The following CPA3 variants were observed in gnomAD, a reference collection of about 807,000 sequenced individuals.
CPA3 encodes carboxypeptidase A3.
CPA3 carries 52 observed loss-of-function variants against 55.8 expected under a neutral mutation model. The ratio of observed to expected loss-of-function variants is 0.93; its 90% CI spans 0.75 to 1.17. CPA3 has a LOEUF of 1.17. Ranked by LOEUF, CPA3 falls within the 50% of genes most tolerant of loss-of-function variation. The pLI, the probability that CPA3 is intolerant of heterozygous loss-of-function variation, is 0.00. For synonymous variants in CPA3, 179 were observed against 171.2 expected (o/e 1.05, Z -0.36); for missense variants, 547 against 509.1 (o/e 1.07, Z -0.72).
chr3:148,890,728 G>T (rs1409813092), intron 10 of CPA3, among the ~76,000 whole-genome samples: 2 of 152,224 alleles, frequency 1.3e-5, no homozygotes, highest in East Asian at 3.9e-4. Context: ...CAATTTTTCA[G>T]AAAACACTGT....
intron 8 of CPA3, 119 bp downstream of exon 8, chr3:148,882,714 T>C: frequency 1.3e-6 from 1 of 745,434 alleles, no homozygotes. Context: ...TGTTAACTTT[T>C]GTATCTATAA....
chr3:148,873,389 A>G (rs1459024872), intron 3 of CPA3, among the ~76,000 whole-genome samples: 1 of 151,892 alleles, frequency 6.6e-6, no homozygotes, highest in African/African-American at 2.4e-5. Context: ...ACACACACAC[A>G]CACACACACA....
chr3:148,876,311 T>A (rs1406222404), intron 3 of CPA3, among the ~76,000 whole-genome samples: 1 of 151,832 alleles, frequency 6.6e-6, no homozygotes, highest in African/African-American at 2.4e-5. Flanking sequence ...TATTTATTTA[T>A]AATTTAATGT....
intron 8 of CPA3, 33 bp downstream of exon 8, chr3:148,882,628 C>T (rs1559969208): frequency 2.6e-6 from 4 of 1,565,406 alleles, no homozygotes; most frequent in Admixed American, 3.4e-5. Flanking sequence ...AGGAAAATTG[C>T]TATAAGGAAT....
rs150822877 is a variant in CPA3, at chr3:148,882,589, T to A, written c.772T>A (p.Trp258Arg). 6.2e-7 allele frequency: 1 copy of A among 1,613,332 alleles called. No homozygotes were observed. The highest frequency in any genetic ancestry group is 1.1e-5 in the South Asian group (1 of 91,018). Residue 258 changes from tryptophan (W) to arginine (R), a missense_variant, in exon 8 of 11, where the codon TGG (tryptophan) becomes AGG (arginine). Physicochemically the swap from Trp to Arg is moderately radical, Grantham distance 101. Transcript: ENST00000296046. ...TDLNRNFNAS[W>R]NSIPNTNDPC... ...CCTCAACAGGAATTTTAATGCTTCA[T>A]GGAACTGTGAGTAGCAGACTTGCTA...
At chr3:148,891,719 T>C (rs1320578264) in intron 10 of CPA3, among the ~76,000 whole-genome samples, 1 of 152,162 alleles carries the variant, frequency 6.6e-6, no homozygotes, top group African/African-American at 2.4e-5. Context: ...AATGACAAAC[T>C]CCACATAAAG....
At chr3:148,882,925 T>C (rs964268110) in intron 8 of CPA3, among the ~76,000 whole-genome samples, 9 of 152,258 alleles carry the variant, frequency 5.9e-5, no homozygotes, top group East Asian at 1.9e-4. Flanking sequence ...GAAATGTCAG[T>C]GGCTAAAAGC....
chr3:148,894,098 G>A (rs1387762652), intron 10 of CPA3, among the ~76,000 whole-genome samples: 1 of 152,134 alleles, frequency 6.6e-6, no homozygotes, highest in East Asian at 1.9e-4. Context: ...AATGGATTCA[G>A]TATAAATAAA....
chr3:148,865,583 C>T lies in CPA3; in HGVS notation c.144+35C>T, dbSNP rs777689720. 5.1e-6 allele frequency: 8 copies of T among 1,561,320 alleles called. No homozygotes were observed. In the East Asian group the frequency reaches 1.6e-4, roughly 31 times the overall value. On this transcript the variant is annotated intron_variant, in intron 2 of 10. Transcript: ENST00000296046. The stretch of plus-strand genomic sequence containing the variant: ...TAGAGGGATATTTTATCTTTTCTTA[C>T]TGTTCTCTAAAAGATGCTTCTTCTT...
chr3:148,882,632 A>C, intron 8 of CPA3, 37 bp downstream of exon 8: 1 of 1,559,040 alleles, frequency 6.4e-7, no homozygotes, highest in Non-Finnish European at 8.8e-7. Context: ...AAATTGCTAT[A>C]AGGAATATTT....
At chr3:148,882,370 T>G in intron 7 of CPA3, 135 bp from the exon 8 acceptor site, 1 of 581,060 alleles carries the variant, frequency 1.7e-6, no homozygotes, top group South Asian at 2.6e-5. Context: ...TTTTTTCTTT[T>G]TATAATAAAG....
chr3:148,874,442 A>T (rs1714158351), intron 3 of CPA3, among the ~76,000 whole-genome samples: 1 of 152,150 alleles, frequency 6.6e-6, no homozygotes, highest in African/African-American at 2.4e-5. Flanking sequence ...TATGTCTGTA[A>T]TGACCACCCA....
At chr3:148,875,610 C>T (rs1426205500) in intron 3 of CPA3, among the ~76,000 whole-genome samples, 4 of 151,736 alleles carry the variant, frequency 2.6e-5, no homozygotes, top group Non-Finnish European at 5.9e-5. Context: ...ACAGTGTGTT[C>T]GCTGCTTGCT....
At chr3:148,895,227 T>A (rs572226997) in intron 10 of CPA3, among the ~76,000 whole-genome samples, 36 of 152,322 alleles carry the variant, frequency 2.4e-4, no homozygotes, top group African/African-American at 8.7e-4. Flanking sequence ...CTGGTCCAGC[T>A]GGATCTCGTT....
chr3:148,871,485 A>G (rs1279613656), intron 3 of CPA3, among the ~76,000 whole-genome samples: 3 of 152,218 alleles, frequency 2.0e-5, no homozygotes, highest in African/African-American at 7.2e-5. Flanking sequence ...AATCACTGTA[A>G]GACACCTAGG....
chr3:148,894,152 CA>C (rs1714757322), intron 10 of CPA3, among the ~76,000 whole-genome samples: 1 of 152,018 alleles, frequency 6.6e-6, no homozygotes, highest in Non-Finnish European at 1.5e-5. Flanking sequence ...ATGATTGAAT[CA>C]AAAATTGTAA....
rs543519259 is a variant in CPA3, at chr3:148,887,008, C to T, written c.1066+831C>T. Among the ~76,000 whole-genome samples, 4 of 152,276 alleles carry T rather than the reference C, an allele frequency of 2.6e-5. No homozygotes were observed. In the East Asian group the frequency reaches 7.7e-4, roughly 29 times the overall value. ...TTCATACTCTCAGCACCATTTCTTA[C>T]TCTTCCCTATTTTTAAATTTATGTT... is the stretch of plus-strand genomic sequence containing the variant. On this transcript the variant is annotated intron_variant, in intron 10 of 10. Transcript: ENST00000296046.
chr3:148,895,969 C>A (rs1714816121), intron 10 of CPA3, among the ~76,000 whole-genome samples: 1 of 151,976 alleles, frequency 6.6e-6, no homozygotes, highest in African/African-American at 2.4e-5. Context: ...AAAAATAGAA[C>A]CTTGAGTTAA....
chr3:148,877,233 C>T (rs573241117), intron 3 of CPA3, among the ~76,000 whole-genome samples: 3 of 152,332 alleles, frequency 2.0e-5, no homozygotes, highest in East Asian at 1.9e-4. Context: ...CAATGGCTCA[C>T]GCCTGTAATC....
Sources: allele counts gnomAD v4.1 joint callset (sites outside exome capture counted in the v4.1 genomes callset), GRCh38; gene constraint gnomAD v4.1.1; transcripts MANE v1.5; gene names NCBI Gene and HGNC (gene_info 2026-07-23, HGNC 2026-07-21).